Variants in PADI4 observed in about 807,000 individuals in gnomAD.
The protein encoded by PADI4 is peptidyl arginine deiminase 4, also known as protein-arginine deiminase type-4.
A neutral mutation model predicts 75.0 loss-of-function variants in PADI4; 62 were observed. The observed-to-expected ratio is 0.83, with a 90% CI of 0.67 to 1.02. The LOEUF is 1.02. Ranked by LOEUF, PADI4 falls within the 50% of genes least tolerant of loss-of-function variation. The pLI is 0.00. For synonymous variants in PADI4, 361 were observed against 348.1 expected (o/e 1.04, Z -0.41); for missense variants, 845 against 850.5 (o/e 0.99, Z 0.08).
At chr1:17,360,291 G>T (rs139294904) in intron 15 of PADI4, among the ~76,000 whole-genome samples, 1 of 146,830 alleles carries the variant, frequency 6.8e-6, no homozygotes, top group African/African-American at 2.6e-5. Flanking sequence ...ACTTTGTCTC[G>T]GGAAAAAAAA....
chr1:17,324,506 T>C (rs1051242196), intron 1 of PADI4, among the ~76,000 whole-genome samples: 1 of 152,198 alleles, frequency 6.6e-6, no homozygotes, highest in Admixed American at 6.5e-5. Flanking sequence ...ATGTTAATTT[T>C]TTAAAAAATA....
intron 5 of PADI4, 103 bp from the exon 6 acceptor site, chr1:17,339,585 G>A: frequency 8.4e-7 from 1 of 1,193,062 alleles, no homozygotes; most frequent in Non-Finnish European, 1.2e-6. Flanking sequence ...GAGGTCTCAG[G>A]GGAGCGGTGG....
intron 1 of PADI4, among the ~76,000 whole-genome samples, chr1:17,330,673 G>T (rs192457443): frequency 9.2e-5 from 14 of 152,294 alleles, no homozygotes; most frequent in Non-Finnish European, 1.2e-4. Context: ...AGAAGCCCCA[G>T]TGAGCAAGGT....
At chr1:17,352,199 T>C (rs1000504467) in intron 10 of PADI4, among the ~76,000 whole-genome samples, 23 of 104,496 alleles carry the variant, frequency 2.2e-4, no homozygotes, top group African/African-American at 5.9e-4. Flanking sequence ...AGGGAGGAGA[T>C]GGGAGGTGGT....
chr1:17,316,914 C>T (rs1438509399), intron 1 of PADI4, among the ~76,000 whole-genome samples: 1 of 152,008 alleles, frequency 6.6e-6, no homozygotes, highest in Non-Finnish European at 1.5e-5. Context: ...AAGAGGGATG[C>T]CTGCCTCACA....
chr1:17,329,304 C>T (rs1213964457), intron 1 of PADI4, among the ~76,000 whole-genome samples: 6 of 144,740 alleles, frequency 4.1e-5, no homozygotes, highest in African/African-American at 5.1e-5. Flanking sequence ...CCAGCCTGGG[C>T]GACAGTGAGA....
At chr1:17,318,315 T>G (rs910322802) in intron 1 of PADI4, among the ~76,000 whole-genome samples, 1 of 152,186 alleles carries the variant, frequency 6.6e-6, no homozygotes, top group Admixed American at 6.5e-5. Context: ...AACGTCACTT[T>G]GCCTCTCTGA....
chr1:17,353,948 G>A (rs1460585752), intron 10 of PADI4, among the ~76,000 whole-genome samples: 1 of 152,060 alleles, frequency 6.6e-6, no homozygotes, highest in African/African-American at 2.4e-5. Context: ...AATTTTAAGA[G>A]AATAAATGTG....
At position 17,360,021 on chromosome 1, in the gene PADI4, G is replaced by A. The variant is rs138990783; in HGVS notation, c.1758+613G>A. On this transcript the variant is annotated intron_variant, in intron 15 of 15. Transcript: ENST00000375448. Reference sequence around the variant, plus strand: ...CAGTCATCTTGAGGCCGGGTGCGGTGGCTCACGCCTGTAATCCTAGCACCT... The same window carrying A: ...CAGTCATCTTGAGGCCGGGTGCGGTAGCTCACGCCTGTAATCCTAGCACCT... Among the ~76,000 whole-genome samples, 24 of 152,210 alleles carry A rather than the reference G, an allele frequency of 1.6e-4. No homozygotes were observed. The East Asian group carries it at 4.6e-3, about 29-fold the overall frequency.
intron 6 of PADI4, among the ~76,000 whole-genome samples, chr1:17,340,402 G>C (rs1318584717): frequency 6.6e-6 from 1 of 152,110 alleles, no homozygotes; most frequent in Non-Finnish European, 1.5e-5. Flanking sequence ...AGTGGAGTTC[G>C]GGTTGTGTGG....
chr1:17,334,340 T>C, intron 3 of PADI4: 1 of 416,062 alleles, frequency 2.4e-6, no homozygotes, highest in Admixed American at 3.1e-5. Context: ...TCTCACCCTG[T>C]CACCCAGGCT....
intron 1 of PADI4, among the ~76,000 whole-genome samples, chr1:17,319,797 C>T (rs2100671827): frequency 6.6e-6 from 1 of 152,268 alleles, no homozygotes; most frequent in Middle Eastern, 3.4e-3. Context: ...CGGCATCGGC[C>T]TCATTTGAAC....
At chr1:17,323,529 A>G (rs376503480) in intron 1 of PADI4, among the ~76,000 whole-genome samples, 1 of 152,336 alleles carries the variant, frequency 6.6e-6, no homozygotes, top group East Asian at 1.9e-4. Flanking sequence ...CAATACAAAG[A>G]TAAAAATAGA....
intron 1 of PADI4, among the ~76,000 whole-genome samples, chr1:17,318,762 T>A (rs2073984080): frequency 6.6e-6 from 1 of 151,212 alleles, no homozygotes. Context: ...CTTGGCTCAC[T>A]GCAAACTCCG....
At chr1:17,355,940 A>C in intron 11 of PADI4, 43 bp from the exon 12 acceptor site, 1 of 1,613,004 alleles carries the variant, frequency 6.2e-7, no homozygotes, top group Non-Finnish European at 8.5e-7. Context: ...ACTTCCCTGT[A>C]GCCCTTGCTG....
chr1:17,336,326 G>T (rs1247226435), intron 4 of PADI4, 100 bp downstream of exon 4: 11 of 749,520 alleles, frequency 1.5e-5, no homozygotes, highest in Non-Finnish European at 2.6e-5. Context: ...CACGTATTCC[G>T]TGTTAACTGT....
chr1:17,311,041 G>A (rs577563473), intron 1 of PADI4, among the ~76,000 whole-genome samples: 1 of 150,918 alleles, frequency 6.6e-6, no homozygotes, highest in African/African-American at 2.4e-5. Flanking sequence ...ACGCTGCAGT[G>A]AACCGAGATT....
chr1:17,356,272 C>T lies in PADI4; in HGVS notation c.1456-85C>T. The T allele has an allele frequency of 7.9e-7, 1 of 1,261,676 alleles. No homozygotes were observed. Among genetic ancestry groups the T allele is most frequent in the Non-Finnish European group, 1.1e-6 (1 of 899,530 alleles). The allele number at this position is 1,261,676 out of a possible 1,614,324, so 78.2% of individuals were successfully genotyped here. A position where few individuals can be genotyped will look rare whatever the true frequency, so the allele number is the denominator to read the frequency against. ...GGTGGCCAGCTTGGGTCCAAGTCCA[C>T]ACTACTCCCACCCTCAGCAGATCCA... On this transcript the variant is annotated intron_variant, in intron 12 of 15. Transcript: ENST00000375448. The surrounding 1 kb of genome is among the most constrained non-coding windows in gnomAD (Gnocchi z 4.1).
chr1:17,325,489 C>T (rs1401106362), intron 1 of PADI4, among the ~76,000 whole-genome samples: 1 of 151,916 alleles, frequency 6.6e-6, no homozygotes, highest in African/African-American at 2.4e-5. Flanking sequence ...TATTAGTCAC[C>T]TTATTAAACT....
Sources: allele counts gnomAD v4.1 joint callset (sites outside exome capture counted in the v4.1 genomes callset), GRCh38; gene constraint gnomAD v4.1.1; non-coding constraint Gnocchi (gnomAD v3.1); transcripts MANE v1.5; gene names NCBI Gene and HGNC (gene_info 2026-07-23, HGNC 2026-07-21).